Variants in SCN2A observed in about 807,000 individuals in gnomAD.
The protein encoded by SCN2A is sodium voltage-gated channel alpha subunit 2, also known as sodium channel protein type 2 subunit alpha.
SCN2A carries 20 observed loss-of-function variants against 188.7 expected under a neutral mutation model. The observed-to-expected ratio is 0.11, with a 90% CI of 0.07 to 0.15. SCN2A has a LOEUF of 0.15. Ranked by LOEUF, SCN2A falls within the 10% of genes least tolerant of loss-of-function variation. The pLI, the probability that SCN2A is intolerant of heterozygous loss-of-function variation, is 1.00. For missense variants in SCN2A, 1,278 were observed against 2,445.0 expected (o/e 0.52, Z 10.07); for synonymous variants, 804 against 833.1 (o/e 0.97, Z 0.60).
In SCN2A at chr2:165,354,598, T is replaced by C; in HGVS notation, c.3326T>C (p.Val1109Ala). 1 of 1,614,112 alleles carries C rather than the reference T, an allele frequency of 6.2e-7. No homozygotes were observed. The highest frequency in any genetic ancestry group is 1.1e-5 in the South Asian group (1 of 91,084). The change falls in exon 17 of 27, where the codon GTT becomes GCT. Residue 1109 changes from valine to alanine, a missense_variant. Transcript: ENST00000375437. ...CTCACTGTGACAGTACCAATTGCTG[T>C]TGGAGAATCTGACTTTGAAAATTTA... is the stretch of plus-strand genomic sequence containing the variant. ...PSLTVTVPIA[V>A]GESDFENLNT...
chr2:165,308,385 T>C (rs1359475386), intron 4 of SCN2A, among the ~76,000 whole-genome samples: 1 of 152,130 alleles, frequency 6.6e-6, no homozygotes, highest in Non-Finnish European at 1.5e-5. Context: ...TCGGACTGAA[T>C]GCCAGTGTAT....
At chr2:165,277,034 G>A (rs1695373138) in intron 1 of SCN2A, among the ~76,000 whole-genome samples, 1 of 151,792 alleles carries the variant, frequency 6.6e-6, no homozygotes, top group Non-Finnish European at 1.5e-5. Flanking sequence ...AATTAGACAG[G>A]TGTCGACAGA....
chr2:165,350,965 T>C (rs1220579321), intron 16 of SCN2A, among the ~76,000 whole-genome samples: 1 of 152,176 alleles, frequency 6.6e-6, no homozygotes, highest in African/African-American at 2.4e-5. Context: ...ACAGCTAAAC[T>C]TTCTCAAAGG....
Position 165,381,126 on chromosome 2 carries a change from C to T in SCN2A, c.4480C>T (p.Gln1494Ter), listed in dbSNP as rs1553462212. Reference sequence around the variant, plus strand: ...TCAAGACATTTTTATGACAGAAGAACAGAAGAAATACTACAATGCAATGAA... The same window carrying T: ...TCAAGACATTTTTATGACAGAAGAATAGAAGAAATACTACAATGCAATGAA... ...GGQDIFMTEE[Q>*]KKYYNAMKKL... Residue 1494 changes from glutamine (Q) to a stop codon, truncating the protein, a stop_gained, in exon 25 of 27, where the codon CAG becomes TAG. Coordinates refer to ENST00000375437, the MANE Select transcript of SCN2A (RefSeq NM_001040142.2). LOFTEE classifies it high-confidence loss of function. The T allele has an allele frequency of 6.3e-7, 1 of 1,592,306 alleles. No homozygotes were observed. The highest frequency in any genetic ancestry group is 8.6e-7 in the Non-Finnish European group (1 of 1,168,312).
chr2:165,259,868 A>G (rs1425557191), intron 1 of SCN2A, among the ~76,000 whole-genome samples: 1 of 151,656 alleles, frequency 6.6e-6, no homozygotes, highest in Non-Finnish European at 1.5e-5. Flanking sequence ...AAGTTTTCCA[A>G]CTTACTTTGC....
intron 20 of SCN2A, chr2:165,372,536 T>C (rs1701093629): frequency 6.6e-6 from 1 of 152,100 alleles, no homozygotes; most frequent in African/African-American, 2.4e-5. Context: ...CGACCGTTTT[T>C]CTTTTTCTTT....
chr2:165,300,763 A>T (rs1283678778), intron 3 of SCN2A, among the ~76,000 whole-genome samples: 1 of 152,168 alleles, frequency 6.6e-6, no homozygotes, highest in Non-Finnish European at 1.5e-5. Context: ...GGCGAGGTGC[A>T]GTGGGTCATT....
intron 18 of SCN2A, 100 bp from the exon 19 acceptor site, chr2:165,367,117 A>G (rs1700770303): frequency 4.5e-6 from 5 of 1,115,866 alleles, no homozygotes; most frequent in Non-Finnish European, 2.7e-6. Flanking sequence ...GTTATTTACA[A>G]TGTATTATCA....
intron 1 of SCN2A, among the ~76,000 whole-genome samples, chr2:165,248,382 T>G (rs1693946806): frequency 6.6e-6 from 1 of 152,148 alleles, no homozygotes; most frequent in African/African-American, 2.4e-5. Flanking sequence ...TTCTTGAATA[T>G]TGCAGGAACA....
chr2:165,291,591 CTCTCTCTCTT>C (rs1696205589), intron 1 of SCN2A, among the ~76,000 whole-genome samples: 1 of 138,334 alleles, frequency 7.2e-6, no homozygotes, highest in Non-Finnish European at 1.5e-5. Flanking sequence ...CTCTCTCTCT[CTCTCTCTCTT>C]TCTTTCTTTG....
intron 10 of SCN2A, among the ~76,000 whole-genome samples, chr2:165,314,329 T>C (rs1697611955): frequency 6.6e-6 from 1 of 152,156 alleles, no homozygotes; most frequent in South Asian, 2.1e-4. Flanking sequence ...TTATAATTGC[T>C]TTACTGACAT....
intron 11 of SCN2A, chr2:165,320,424 C>T (rs2105270685): frequency 6.6e-6 from 1 of 152,358 alleles, no homozygotes; most frequent in South Asian, 2.1e-4. Flanking sequence ...CAGTGGCTCT[C>T]TTCTCACAGC....
At chr2:165,265,727 T>A (rs1694830396) in intron 1 of SCN2A, among the ~76,000 whole-genome samples, 1 of 151,062 alleles carries the variant, frequency 6.6e-6, no homozygotes, top group African/African-American at 2.4e-5. Flanking sequence ...TTAATAGTAT[T>A]TTCATGTTGA....
At position 165,315,665 on chromosome 2, in the gene SCN2A, G is replaced by T. The variant is rs141269163; in HGVS notation, c.1578G>T (p.Ser526=). 6.2e-7 allele frequency: 1 copy of T among 1,614,006 alleles called. No homozygotes were observed. Among genetic ancestry groups the T allele is most frequent in the Non-Finnish European group, 8.5e-7 (1 of 1,179,960 alleles). ...AGAAAAATGACAGAGTCCGAAAATC[G>T]GAATCTGAAGACAGCATAAGAAGAA... ...EEEKNDRVRK[S]ESEDSIRRKG... The change falls in exon 11 of 27, where the codon TCG becomes TCT. Residue 526 remains serine, a synonymous_variant. Transcript: ENST00000375437.
intron 7 of SCN2A, 74 bp downstream of exon 7, chr2:165,310,669 C>A (rs747479789): frequency 9.1e-6 from 10 of 1,093,598 alleles, no homozygotes; most frequent in Non-Finnish European, 1.3e-5. Context: ...TGGAAATTAT[C>A]TCAATTTAGA....
At chr2:165,271,742 T>A (rs1695114212) in intron 1 of SCN2A, 1 of 152,084 alleles carries the variant, frequency 6.6e-6, no homozygotes, top group Admixed American at 6.6e-5. Context: ...CCAGAGACAA[T>A]CACTGTTCCA....
At chr2:165,240,340 T>A (rs1350753975) in intron 1 of SCN2A, among the ~76,000 whole-genome samples, 1 of 152,174 alleles carries the variant, frequency 6.6e-6, no homozygotes, top group Non-Finnish European at 1.5e-5. Flanking sequence ...GTGGCCATTT[T>A]AAATAGTTGA....
chr2:165,290,828 A>C (rs1342104427), intron 1 of SCN2A: 18 of 959,274 alleles, frequency 1.9e-5, no homozygotes, highest in Non-Finnish European at 2.1e-5. Context: ...GTTGGTACAC[A>C]TGGAAGATAT....
intron 13 of SCN2A, among the ~76,000 whole-genome samples, chr2:165,330,897 A>AAGAAACTG (rs1465033631): frequency 3.9e-5 from 6 of 152,188 alleles, no homozygotes; most frequent in Non-Finnish European, 5.9e-5. Context: ...AGATCACCAA[A>AAGAAACTG]ACATATCTAA....
Sources: gnomAD v4.1 joint callset for allele counts (sites outside exome capture counted in the v4.1 genomes callset) on GRCh38, gnomAD v4.1.1 for gene constraint, MANE v1.5 for transcripts, NCBI Gene and HGNC (gene_info 2026-07-23, HGNC 2026-07-21) for gene names.